MYOM2: variants seen among roughly 807,000 people sequenced by gnomAD.
MYOM2 encodes the protein myomesin 2, also known as myomesin-2.
A neutral mutation model predicts 187.6 loss-of-function variants in MYOM2; 254 were observed. The observed-to-expected ratio is 1.35, with a 90% CI of 1.22 to 1.50. The LOEUF is 1.50. Among genes scored for constraint, MYOM2 ranks in the 40% most tolerant of loss-of-function variants. The probability of loss-of-function intolerance (pLI) is 0.00; values close to 1 mark genes in which losing one functional copy is unlikely to be tolerated. For synonymous variants in MYOM2, 981 were observed against 753.8 expected (o/e 1.30, Z -4.94); for missense variants, 2,796 against 1,924.0 (o/e 1.45, Z -8.48).
chr8:2,118,377 A>G (rs995825550), intron 28 of MYOM2, among the ~76,000 whole-genome samples: 1 of 152,244 alleles, frequency 6.6e-6, no homozygotes, highest in African/African-American at 2.4e-5. Context: ...TTATTACTAA[A>G]TATAAAAATC....
intron 16 of MYOM2, among the ~76,000 whole-genome samples, chr8:2,093,187 A>T (rs1443593866): frequency 6.6e-6 from 1 of 152,254 alleles, no homozygotes; most frequent in Non-Finnish European, 1.5e-5. Flanking sequence ...AAATCTGAAA[A>T]AAATACACTG....
chr8:2,129,492 T>TGACTTTACTGGTAACACAAA (rs1172852501), intron 32 of MYOM2, among the ~76,000 whole-genome samples: 2 of 152,166 alleles, frequency 1.3e-5, no homozygotes, highest in Admixed American at 1.3e-4. Context: ...TCACCAAAGG[T>TGACTTTACTGGTAACACAAA]GGCTTTACTG....
chr8:2,100,093 C>CTTCCTTCTTTCT (rs1796640807), intron 19 of MYOM2, among the ~76,000 whole-genome samples: 1 of 87,554 alleles, frequency 1.1e-5, no homozygotes, highest in African/African-American at 4.8e-5. Context: ...TCTTTCCTTC[C>CTTCCTTCTTTCT]TTCCTTCCTT....
Position 2,090,157 on chromosome 8 carries a change from G to A in MYOM2, c.1794G>A (p.Glu598=). ...GGCATGGCCTGAGCGAACCTTCGGA[G>A]ATAACGTCCCCCATTCAGGCCCAGG... ...ANRHGLSEPS[E]ITSPIQAQDV... The change falls in exon 15 of 37, where the codon GAG becomes GAA. Residue 598 remains glutamate, a synonymous_variant. Transcript: ENST00000262113. The A allele has an allele frequency of 6.2e-7, 1 of 1,614,064 alleles. No homozygotes were observed. The highest frequency in any genetic ancestry group is 1.1e-5 in the South Asian group (1 of 91,062).
chr8:2,084,262 AC>A (rs1247923083), intron 13 of MYOM2, among the ~76,000 whole-genome samples: 1 of 152,086 alleles, frequency 6.6e-6, no homozygotes, highest in Non-Finnish European at 1.5e-5. Flanking sequence ...GAAATTCAGC[AC>A]CTTACCAGAA....
chr8:2,052,110 A>T (rs754368510), intron 2 of MYOM2, 48 bp from the exon 3 acceptor site: 1 of 1,606,934 alleles, frequency 6.2e-7, no homozygotes, highest in Non-Finnish European at 8.5e-7. Flanking sequence ...ATAAATTTCC[A>T]TACTGTGCCT....
At chr8:2,074,773 C>T (rs1290556276) in intron 10 of MYOM2, among the ~76,000 whole-genome samples, 1 of 152,170 alleles carries the variant, frequency 6.6e-6, no homozygotes, top group Non-Finnish European at 1.5e-5. Context: ...ACGCTTTTAT[C>T]AGTGTCTGTT....
At chr8:2,127,122 A>G (rs1797675480) in intron 31 of MYOM2, among the ~76,000 whole-genome samples, 1 of 151,384 alleles carries the variant, frequency 6.6e-6, no homozygotes, top group Non-Finnish European at 1.5e-5. Context: ...AGTGTCAGGG[A>G]ATTTGAGCAG....
rs1796900126 is a variant in MYOM2 at position 2,106,549 on chromosome 8, G to A, written c.2950G>A (p.Val984Ile). 1 of 1,612,044 alleles carries A rather than the reference G, an allele frequency of 6.2e-7. No individual in the cohort carries two copies. Among genetic ancestry groups the A allele is most frequent in the Non-Finnish European group, 8.5e-7 (1 of 1,178,312 alleles). Residue 984 changes from valine (V) to isoleucine (I), a missense_variant, in exon 23 of 37, where the codon GTA (valine) becomes ATA (isoleucine). Transcript: ENST00000262113. Reference sequence around the variant, plus strand: ...GGATTTAGGGACTTACTCCGTGTCTGTAAGTGATACAGACGGAGTGTCCTC... The same window carrying A: ...GGATTTAGGGACTTACTCCGTGTCTATAAGTGATACAGACGGAGTGTCCTC... ...KEDLGTYSVS[V>I]SDTDGVSSSF...
chr8:2,116,788 T>G (rs577377199), intron 27 of MYOM2, among the ~76,000 whole-genome samples: 1 of 152,206 alleles, frequency 6.6e-6, no homozygotes, highest in Non-Finnish European at 1.5e-5. Flanking sequence ...GATGGAGTCT[T>G]GCTCTGTTGC....
chr8:2,127,092 T>C (rs1258229890), intron 31 of MYOM2, among the ~76,000 whole-genome samples: 1 of 149,722 alleles, frequency 6.7e-6, no homozygotes, highest in Admixed American at 6.7e-5. Flanking sequence ...CTGGTTAGGG[T>C]GGTGTTGGTC....
chr8:2,109,939 G>T lies in MYOM2; in HGVS notation c.3180+408G>T, dbSNP rs1489252214. 2.0e-5 allele frequency among the ~76,000 whole-genome samples: 3 copies of T among 152,218 alleles called. No homozygotes were observed. The East Asian group carries it at 5.8e-4, about 29-fold the overall frequency. On this transcript the variant is annotated intron_variant, in intron 25 of 36. Transcript: ENST00000262113. Reference sequence around the variant, plus strand: ...CCCCACTGACAGCTTCCCATGGAAGGCATCCGTGGGGAATAAGTTTCTGTG... The same window carrying T: ...CCCCACTGACAGCTTCCCATGGAAGTCATCCGTGGGGAATAAGTTTCTGTG...
intron 21 of MYOM2, among the ~76,000 whole-genome samples, chr8:2,103,264 G>T (rs1199000998): frequency 6.6e-6 from 1 of 151,782 alleles, no homozygotes; most frequent in Non-Finnish European, 1.5e-5. Context: ...GAGAGAGTGT[G>T]CATGTATTAT....
chr8:2,092,557 C>T (rs376158384), intron 16 of MYOM2, 37 bp downstream of exon 16: 1 of 1,603,928 alleles, frequency 6.2e-7, no homozygotes, highest in Non-Finnish European at 8.5e-7. Flanking sequence ...GTCAGCCTTG[C>T]AGGAGTAGCA....
chr8:2,052,439 G>T, intron 3 of MYOM2, 126 bp downstream of exon 3: 3 of 1,004,222 alleles, frequency 3.0e-6, no homozygotes, highest in Non-Finnish European at 4.1e-6. Context: ...GCCATGCCTG[G>T]GGTGAGAGGG....
chr8:2,057,662 G>A lies in MYOM2; in HGVS notation c.442G>A (p.Glu148Lys), dbSNP rs758320327. The change falls in exon 5 of 37, where the codon GAG (glutamate) becomes AAG (lysine). Residue 148 changes from glutamate (E) to lysine (K), a missense_variant. Coordinates refer to ENST00000262113, the MANE Select transcript of MYOM2 (RefSeq NM_003970.4). ...GGCCTGGGAGAGACACACATTTGAA[G>A]AGCGGATAAGCAGGGCTCCTGAGAT... is the stretch of plus-strand genomic sequence containing the variant. ...KLAWERHTFE[E>K]RISRAPEILV... is the part of the protein sequence containing the mutation. 6.2e-6 allele frequency: 10 copies of A among 1,614,160 alleles called. No individual in the cohort carries two copies. In the Admixed American group the frequency reaches 1.5e-4, roughly 24 times the overall value.
At chr8:2,142,345 T>G (rs769816185) in intron 34 of MYOM2, 30 bp from the exon 35 acceptor site, 10 of 1,610,004 alleles carry the variant, frequency 6.2e-6, no homozygotes, top group Non-Finnish European at 8.5e-6. Flanking sequence ...CTCTTTTCAT[T>G]CTCTCCTTTC....
chr8:2,106,495 A>G lies in MYOM2; in HGVS notation c.2896A>G (p.Lys966Glu). The part of the protein sequence containing the change: ...FKIETVGDHS[K>E]LYLKNPDKED... Reference sequence around the variant, plus strand: ...CCTACTCTTCTTCCTTTTTAGCTCCAAGCTGTACTTAAAGAATCCGGATAA... The same window carrying G: ...CCTACTCTTCTTCCTTTTTAGCTCCGAGCTGTACTTAAAGAATCCGGATAA... Residue 966 changes from lysine to glutamate, a missense_variant, in exon 23 of 37, where the codon AAG becomes GAG. Coordinates refer to ENST00000262113, the MANE Select transcript of MYOM2 (RefSeq NM_003970.4). 6.2e-7 allele frequency: 1 copy of G among 1,612,000 alleles called. No individual in the cohort carries two copies. The highest frequency in any genetic ancestry group is 1.1e-5 in the South Asian group (1 of 91,050).
chr8:2,129,709 T>A (rs1002714090), intron 32 of MYOM2, among the ~76,000 whole-genome samples: 1 of 152,160 alleles, frequency 6.6e-6, no homozygotes, highest in Non-Finnish European at 1.5e-5. Context: ...ATTTCATGCT[T>A]CTCTGGGTCG....
Sources: allele counts gnomAD v4.1 joint callset (sites outside exome capture counted in the v4.1 genomes callset), GRCh38; gene constraint gnomAD v4.1.1; transcripts MANE v1.5; gene names NCBI Gene and HGNC (gene_info 2026-07-23, HGNC 2026-07-21).